Variants in CSTPP1 observed in about 807,000 individuals in gnomAD.
CSTPP1 encodes the protein centriolar satellite-associated tubulin polyglutamylase complex regulator 1.
chr11:46,974,852 C>T, the CSTPP1 span, among the ~76,000 whole-genome samples: 1 of 130,818 alleles, frequency 7.6e-6, no homozygotes, highest in East Asian at 2.2e-4. Context: ...GAGACTCTAT[C>T]TCAAAACACA....
chr11:46,986,279 A>C, the CSTPP1 span, among the ~76,000 whole-genome samples: 1 of 152,172 alleles, frequency 6.6e-6, no homozygotes, highest in Non-Finnish European at 1.5e-5. Flanking sequence ...TAACTCACAC[A>C]TTTCCAAGTC....
chr11:46,959,266 T>C, the CSTPP1 span, among the ~76,000 whole-genome samples: 1 of 151,876 alleles, frequency 6.6e-6, no homozygotes, highest in Admixed American at 6.5e-5. Context: ...TTTTTTCTAG[T>C]TTTTAAATGT....
chr11:47,059,047 A>G, the CSTPP1 span, among the ~76,000 whole-genome samples: 2 of 152,254 alleles, frequency 1.3e-5, no homozygotes, highest in Non-Finnish European at 2.9e-5. Flanking sequence ...TTGCAGGGAC[A>G]TGGATGAAGC....
the CSTPP1 span, chr11:47,052,190 C>T: frequency 2.0e-6 from 1 of 510,328 alleles, no homozygotes; most frequent in African/African-American, 2.0e-5. Context: ...GAACTGGCCT[C>T]CAAGAGTTTT....
the CSTPP1 span, among the ~76,000 whole-genome samples, chr11:46,979,275 A>C: frequency 4.9e-4 from 75 of 152,312 alleles, no homozygotes; most frequent in East Asian, 0.014. Flanking sequence ...GCTATAGCAC[A>C]ATTAATTTTC....
chr11:47,086,836 T>C, the CSTPP1 span, among the ~76,000 whole-genome samples: 2 of 152,190 alleles, frequency 1.3e-5, no homozygotes, highest in African/African-American at 4.8e-5. Flanking sequence ...ATGACAATAA[T>C]ACTGACGGAG....
the CSTPP1 span, among the ~76,000 whole-genome samples, chr11:46,955,765 G>A: frequency 6.7e-6 from 1 of 150,190 alleles, no homozygotes; most frequent in African/African-American, 2.4e-5. Context: ...GCCAAGGTGG[G>A]CAGATCACCT....
At chr11:46,979,235 A>G in the CSTPP1 span, among the ~76,000 whole-genome samples, 1 of 152,194 alleles carries the variant, frequency 6.6e-6, no homozygotes, top group Non-Finnish European at 1.5e-5. Flanking sequence ...GGCATGCATC[A>G]CCATGCCCGG....
chr11:47,118,959 C>T, the CSTPP1 span, among the ~76,000 whole-genome samples: 3 of 152,252 alleles, frequency 2.0e-5, no homozygotes, highest in Non-Finnish European at 4.4e-5. Context: ...AGAGCTCAAA[C>T]GCTGTGCTGG....
At chr11:47,160,873 C>T in the CSTPP1 span, 1 of 524,738 alleles carries the variant, frequency 1.9e-6, no homozygotes, top group East Asian at 3.4e-5. Context: ...GGAAGGGGAT[C>T]ACCACACTCC....
the CSTPP1 span, among the ~76,000 whole-genome samples, chr11:46,984,433 G>C: frequency 6.6e-6 from 1 of 152,144 alleles, no homozygotes; most frequent in Admixed American, 6.5e-5. Flanking sequence ...TTAATAAATT[G>C]TGCAAGTACT....
chr11:47,159,244 T>C, the CSTPP1 span, among the ~76,000 whole-genome samples: 1 of 152,284 alleles, frequency 6.6e-6, no homozygotes, highest in South Asian at 2.1e-4. Flanking sequence ...GCGTGGTGCC[T>C]CACGCCTGTA....
At chr11:47,077,196 G>GTTTTTTTTTTT in the CSTPP1 span, among the ~76,000 whole-genome samples, 1 of 135,522 alleles carries the variant, frequency 7.4e-6, no homozygotes. Flanking sequence ...GGATAAAGTT[G>GTTTTTTTTTTT]TTTTTTTTTT....
the CSTPP1 span, among the ~76,000 whole-genome samples, chr11:47,090,003 C>T: frequency 2.6e-5 from 4 of 151,968 alleles, no homozygotes; most frequent in Admixed American, 2.0e-4. Flanking sequence ...TTTGTTTGAA[C>T]GGAGTTTCGC....
the CSTPP1 span, among the ~76,000 whole-genome samples, chr11:47,075,752 C>G: frequency 6.6e-6 from 1 of 151,710 alleles, no homozygotes; most frequent in Non-Finnish European, 1.5e-5. Context: ...AGCCCCGTCT[C>G]TACAAAAATA....
chr11:46,994,670 C>T, the CSTPP1 span, among the ~76,000 whole-genome samples: 5 of 152,120 alleles, frequency 3.3e-5, no homozygotes, highest in African/African-American at 7.2e-5. Context: ...CTGCTGGATT[C>T]GGTTTGCCAG....
At chr11:47,157,821 C>T in the CSTPP1 span, 8 of 1,613,992 alleles carry the variant, frequency 5.0e-6, no homozygotes, top group Non-Finnish European at 6.8e-6. Flanking sequence ...AGCTGCCCAC[C>T]CCCAGCACTT....
chr11:47,013,063 T>C, the CSTPP1 span, among the ~76,000 whole-genome samples: 1 of 146,768 alleles, frequency 6.8e-6, no homozygotes. Flanking sequence ...AATAATAACA[T>C]ATATATTTTA....
At chr11:47,161,180 C>G in the CSTPP1 span, 1 of 1,614,232 alleles carries the variant, frequency 6.2e-7, no homozygotes, top group Admixed American at 1.7e-5. Context: ...GGATGAAGAG[C>G]TGGAACGGCT....
Sources: gnomAD v4.1 joint callset for allele counts (sites outside exome capture counted in the v4.1 genomes callset) on GRCh38, gnomAD v4.1.1 for gene constraint, MANE v1.5 for transcripts, NCBI Gene and HGNC (gene_info 2026-07-23, HGNC 2026-07-21) for gene names.